Variants in LUZP1 observed in about 807,000 individuals in gnomAD.
LUZP1 encodes leucine zipper protein 1.
A neutral mutation model predicts 71.3 loss-of-function variants in LUZP1; 25 were observed. The observed-to-expected ratio is 0.35, with a 90% CI of 0.26 to 0.49. LUZP1 has a LOEUF of 0.49. Among genes scored for constraint, LUZP1 ranks in the 20% least tolerant of loss-of-function variants. The probability of loss-of-function intolerance (pLI) is 0.99; values close to 1 mark genes in which losing one functional copy is unlikely to be tolerated. For missense variants in LUZP1, 1,142 were observed against 1,300.8 expected (o/e 0.88, Z 1.88); for synonymous variants, 481 against 506.4 (o/e 0.95, Z 0.67).
intron 2 of LUZP1, among the ~76,000 whole-genome samples, chr1:23,164,224 G>A (rs949711634): frequency 8.5e-5 from 13 of 152,126 alleles, no homozygotes; most frequent in Non-Finnish European, 1.8e-4. Context: ...GGCTGGGCGC[G>A]GTGGCTCACG....
At chr1:23,125,577 A>C (rs1461061593) in intron 2 of LUZP1, among the ~76,000 whole-genome samples, 2 of 152,236 alleles carry the variant, frequency 1.3e-5, no homozygotes, top group African/African-American at 2.4e-5. Context: ...TTACTAAAGC[A>C]CATCAGTCTA....
chr1:23,133,840 C>A lies in LUZP1; in HGVS notation c.-225-24713G>T, dbSNP rs77093077. The stretch of plus-strand genomic sequence containing the variant: ...ACATTATATGACTCCCAGTACAACA[C>A]AAGGGGAAGTACACAGCAGCATCTA... On this transcript the variant is annotated intron_variant, in intron 2 of 4. Coordinates refer to ENST00000302291, the Ensembl canonical transcript of LUZP1. Among the ~76,000 whole-genome samples, 163 of 152,162 alleles carry A rather than the reference C, an allele frequency of 1.1e-3. 3 individuals carry two copies. The East Asian group carries it at 0.03, about 28-fold the overall frequency.
chr1:23,132,399 T>C (rs576929832), intron 2 of LUZP1, among the ~76,000 whole-genome samples: 24 of 152,184 alleles, frequency 1.6e-4, no homozygotes, highest in African/African-American at 5.3e-4. Context: ...CAGGGCACCA[T>C]ATAAACGTAC....
chr1:23,152,682 C>G (rs887528645), intron 2 of LUZP1, among the ~76,000 whole-genome samples: 1 of 152,086 alleles, frequency 6.6e-6, no homozygotes, highest in Non-Finnish European at 1.5e-5. Flanking sequence ...AGGCGCCCAC[C>G]ACCATGCCCG....
chr1:23,159,519 G>C (rs939060114), intron 2 of LUZP1, among the ~76,000 whole-genome samples: 1 of 152,082 alleles, frequency 6.6e-6, no homozygotes, highest in African/African-American at 2.4e-5. Flanking sequence ...CTGTAAAATG[G>C]GGTTAAAATA....
intron 4 of LUZP1, chr1:23,090,907 C>G (rs1306875164): frequency 2.8e-6 from 2 of 718,106 alleles, no homozygotes; most frequent in Non-Finnish European, 5.2e-6. Flanking sequence ...CTCTGGCAAA[C>G]CAAGGGAAGA....
At chr1:23,139,926 G>C (rs1644289451) in intron 2 of LUZP1, among the ~76,000 whole-genome samples, 1 of 151,146 alleles carries the variant, frequency 6.6e-6, no homozygotes, top group Admixed American at 6.6e-5. Flanking sequence ...TACCAGTCTG[G>C]AGGGCAGAGC....
chr1:23,153,528 A>T (rs1485656318), intron 2 of LUZP1, among the ~76,000 whole-genome samples: 1 of 151,888 alleles, frequency 6.6e-6, no homozygotes, highest in East Asian at 1.9e-4. Flanking sequence ...CACTATTAGC[A>T]TAACAACAGA....
At chr1:23,161,249 T>G (rs1413991870) in intron 2 of LUZP1, among the ~76,000 whole-genome samples, 1 of 152,140 alleles carries the variant, frequency 6.6e-6, no homozygotes, top group Admixed American at 6.6e-5. Context: ...AGATATATAA[T>G]CATAAATTGC....
Position 23,127,139 on chromosome 1 carries a change from T to C in LUZP1, c.-225-18012A>G, listed in dbSNP as rs756144066. Reference sequence around the variant, plus strand: ...TGTCTATTCATTGGTCTATGGGCAGTAATGTCTTATAAAGCACACATTACT... The same window carrying C: ...TGTCTATTCATTGGTCTATGGGCAGCAATGTCTTATAAAGCACACATTACT... On this transcript the variant is annotated intron_variant, in intron 2 of 4. Coordinates refer to ENST00000302291, the Ensembl canonical transcript of LUZP1. 5.5e-4 allele frequency among the ~76,000 whole-genome samples: 84 copies of C among 152,244 alleles called. 1 individual carries two copies. The highest frequency in any genetic ancestry group is 1.1e-3 in the Admixed American group (17 of 15,284).
At chr1:23,109,990 C>T (rs1302215736) in intron 2 of LUZP1, among the ~76,000 whole-genome samples, 1 of 152,124 alleles carries the variant, frequency 6.6e-6, no homozygotes, top group East Asian at 1.9e-4. Context: ...CAACCCTGAG[C>T]ACTATGCTTT....
intron 2 of LUZP1, among the ~76,000 whole-genome samples, chr1:23,161,411 T>A (rs1459438602): frequency 6.6e-5 from 10 of 152,036 alleles, no homozygotes; most frequent in Admixed American, 3.3e-4. Context: ...AAAAGAAGTG[T>A]TCGAGGAAGA....
In LUZP1 at chr1:23,128,486, A is replaced by G. The variant is rs1253243535; in HGVS notation, c.-225-19359T>C. 3.9e-5 allele frequency among the ~76,000 whole-genome samples: 6 copies of G among 152,242 alleles called. No homozygotes were observed. The East Asian group carries it at 1.2e-3, about 29-fold the overall frequency. On this transcript the variant is annotated intron_variant, in intron 2 of 4. Transcript: ENST00000302291. Reference sequence around the variant, plus strand: ...CTTCATAAATGTAAAGTGTTATACAATATTAATTATTAGTGTTAATTGAGC... The same window carrying G: ...CTTCATAAATGTAAAGTGTTATACAGTATTAATTATTAGTGTTAATTGAGC...
At chr1:23,119,944 G>GTT (rs796427865) in intron 2 of LUZP1, among the ~76,000 whole-genome samples, 3 of 146,026 alleles carry the variant, frequency 2.1e-5, no homozygotes, top group Admixed American at 6.9e-5. Context: ...TTTGTTGGTA[G>GTT]TTTTTTTTTT....
At chr1:23,103,680 T>A (rs1357946968) in intron 3 of LUZP1, among the ~76,000 whole-genome samples, 3 of 151,898 alleles carry the variant, frequency 2.0e-5, no homozygotes, top group Non-Finnish European at 4.4e-5. Context: ...TTACATTGAT[T>A]CTTCTTACCA....
At chr1:23,116,971 G>T (rs1644084374) in intron 2 of LUZP1, among the ~76,000 whole-genome samples, 1 of 152,172 alleles carries the variant, frequency 6.6e-6, no homozygotes, top group Non-Finnish European at 1.5e-5. Context: ...TATATACTTG[G>T]TGGTATCAGA....
intron 2 of LUZP1, among the ~76,000 whole-genome samples, chr1:23,117,655 A>T (rs1644096165): frequency 2.0e-5 from 3 of 152,072 alleles, no homozygotes; most frequent in Admixed American, 2.0e-4. Context: ...AAGATGCCCA[A>T]GTCAGAATAA....
chr1:23,116,446 A>G (rs1030016983), intron 2 of LUZP1, among the ~76,000 whole-genome samples: 8 of 152,078 alleles, frequency 5.3e-5, no homozygotes, highest in African/African-American at 1.7e-4. Context: ...GCTTGAGCCC[A>G]CGTGTTCAAG....
rs1643871937 is a variant in LUZP1 at position 23,093,025 on chromosome 1, T to A, written c.1237A>T (p.Asn413Tyr). 6.2e-7 allele frequency: 1 copy of A among 1,614,006 alleles called. No individual in the cohort carries two copies. Among genetic ancestry groups the A allele is most frequent in the South Asian group, 1.1e-5 (1 of 91,080 alleles). ...ACCTGCCTGTTGCTCAGAGAATAGTTTTCATTGTTGAGAGCAAACTCCCTG... is the reference window on the plus strand; with the variant it reads ...ACCTGCCTGTTGCTCAGAGAATAGTATTCATTGTTGAGAGCAAACTCCCTG... Residue 413 changes from asparagine (N) to tyrosine (Y), a missense_variant, in exon 4 of 5, where the codon AAC becomes TAC. Transcript: ENST00000302291. This position sits in a 1 kb window ranked among gnomAD's most constrained non-coding sequence, Gnocchi z 4.2.
Sources: gnomAD v4.1 joint callset for allele counts (sites outside exome capture counted in the v4.1 genomes callset) on GRCh38, gnomAD v4.1.1 for gene constraint, Gnocchi (gnomAD v3.1) non-coding constraint, MANE v1.5 for transcripts, NCBI Gene and HGNC (gene_info 2026-07-23, HGNC 2026-07-21) for gene names.